The following SPOCK3 variants were observed in gnomAD, a reference collection of about 807,000 sequenced individuals.
SPOCK3 encodes testican-3.
SPOCK3 carries 30 observed loss-of-function variants against 56.6 expected under a neutral mutation model. The observed-to-expected ratio is 0.53, with a 90% confidence interval of 0.40 to 0.72. SPOCK3 has a LOEUF of 0.72. Ranked by LOEUF, SPOCK3 falls within the 30% of genes least tolerant of loss-of-function variation. SPOCK3 has a pLI of 0.00. For synonymous variants in SPOCK3, 196 were observed against 183.3 expected (o/e 1.07, Z -0.56); for missense variants, 527 against 530.0 (o/e 0.99, Z 0.06).
intron 2 of SPOCK3, among the ~76,000 whole-genome samples, chr4:167,221,706 C>G (rs918439515): frequency 6.6e-6 from 1 of 152,108 alleles, no homozygotes; most frequent in Non-Finnish European, 1.5e-5. Flanking sequence ...AAAATATGCT[C>G]AACATTTCTA....
chr4:167,112,848 T>TTA (rs1554038269), intron 2 of SPOCK3, among the ~76,000 whole-genome samples: 19,760 of 149,506 alleles, frequency 0.13, 1,517 homozygotes, highest in East Asian at 0.19. Context: ...TGCTCTTTTT[T>TTA]AAAAAAAAAA....
At chr4:167,009,901 T>A (rs565636864) in intron 3 of SPOCK3, among the ~76,000 whole-genome samples, 1 of 151,730 alleles carries the variant, frequency 6.6e-6, no homozygotes, top group South Asian at 2.1e-4. Flanking sequence ...CATGATAATA[T>A]GAAAAAAATT....
chr4:166,924,089 A>G (rs61445206), intron 4 of SPOCK3, among the ~76,000 whole-genome samples: 2,573 of 152,310 alleles, frequency 0.017, 71 homozygotes, highest in African/African-American at 0.058. Context: ...CAAGGTTGAC[A>G]TTAGCTTGCC....
intron 6 of SPOCK3, among the ~76,000 whole-genome samples, chr4:166,829,973 A>G (rs1745866963): frequency 6.6e-6 from 1 of 152,174 alleles, no homozygotes; most frequent in African/African-American, 2.4e-5. Flanking sequence ...TGAGAATTTT[A>G]AGAATCTCAT....
chr4:166,770,671 C>A (rs1004550320), intron 7 of SPOCK3, among the ~76,000 whole-genome samples: 2 of 151,988 alleles, frequency 1.3e-5, no homozygotes, highest in African/African-American at 4.8e-5. Context: ...TAAACACAAC[C>A]GTATTGACAA....
chr4:167,125,564 A>C (rs1465583860), intron 2 of SPOCK3, among the ~76,000 whole-genome samples: 4 of 150,386 alleles, frequency 2.7e-5, no homozygotes, highest in Admixed American at 1.3e-4. Flanking sequence ...ATATAAAAAA[A>C]TTCGCCGGGC....
chr4:167,183,638 A>G (rs917916407), intron 2 of SPOCK3, among the ~76,000 whole-genome samples: 1 of 152,214 alleles, frequency 6.6e-6, no homozygotes, highest in Non-Finnish European at 1.5e-5. Flanking sequence ...TTACTATTGC[A>G]AAAAGAATCT....
intron 8 of SPOCK3, among the ~76,000 whole-genome samples, chr4:166,753,106 G>A (rs7693595): frequency 6.6e-6 from 1 of 151,504 alleles, no homozygotes; most frequent in Admixed American, 6.6e-5. Context: ...AGAATTTATC[G>A]ATTTCTGTAG....
intron 2 of SPOCK3, among the ~76,000 whole-genome samples, chr4:167,125,359 A>G (rs1327512745): frequency 2.7e-5 from 4 of 150,578 alleles, no homozygotes; most frequent in African/African-American, 7.3e-5. Flanking sequence ...CTTAACAAGT[A>G]TATTAGTTAG....
rs192244168 is a variant in SPOCK3, at chr4:167,071,134, G to C, written c.190-8597C>G. Among the ~76,000 whole-genome samples the C allele has an allele frequency of 5.0e-3, 767 of 152,018 alleles. 31 individuals are homozygous for C. The highest frequency in any genetic ancestry group is 0.048 in the Admixed American group (729 of 15,224). ...AGGTTAGAATCCCTCTGAATATATA[G>C]AGACTGTGTACTGGTTAGTTTTAAA... On this transcript the variant is annotated intron_variant, in intron 2 of 10. Transcript: ENST00000357545.
At chr4:167,018,002 T>C (rs1425967198) in intron 3 of SPOCK3, among the ~76,000 whole-genome samples, 1 of 152,068 alleles carries the variant, frequency 6.6e-6, no homozygotes, top group Non-Finnish European at 1.5e-5. Context: ...AGGGACTTAT[T>C]AAGAGATTTT....
intron 4 of SPOCK3, among the ~76,000 whole-genome samples, chr4:166,938,854 G>A (rs1328025841): frequency 6.6e-6 from 1 of 151,976 alleles, no homozygotes; most frequent in East Asian, 1.9e-4. Flanking sequence ...AGGTGCTAAT[G>A]TGCAAAGACA....
At chr4:167,023,913 C>A (rs1215526269) in intron 3 of SPOCK3, among the ~76,000 whole-genome samples, 2 of 152,078 alleles carry the variant, frequency 1.3e-5, no homozygotes, top group Admixed American at 1.3e-4. Context: ...AATTTATCAT[C>A]TTGACCTCCT....
chr4:166,748,963 T>A (rs980305483), intron 8 of SPOCK3, among the ~76,000 whole-genome samples: 6 of 136,918 alleles, frequency 4.4e-5, no homozygotes, highest in African/African-American at 1.9e-4. Context: ...GTTAGAATGG[T>A]GATCATTAAA....
chr4:167,205,350 T>TAATATATATTATATATTATATATATAA (rs1734047710), intron 2 of SPOCK3, among the ~76,000 whole-genome samples: 1 of 42,544 alleles, frequency 2.4e-5, no homozygotes, highest in African/African-American at 1.1e-4. Context: ...ATTATATATA[T>TAATATATATTATATATTATATATATAA]AATATATATA....
chr4:166,958,210 A>T, intron 4 of SPOCK3, among the ~76,000 whole-genome samples: 1 of 152,098 alleles, frequency 6.6e-6, no homozygotes, highest in East Asian at 1.9e-4. Flanking sequence ...GCTGTTTAAA[A>T]GTGTATGCAT....
At chr4:166,950,287 T>C (rs1742386349) in intron 4 of SPOCK3, among the ~76,000 whole-genome samples, 2 of 151,594 alleles carry the variant, frequency 1.3e-5, no homozygotes, top group South Asian at 2.1e-4. Context: ...GTTGCAATCC[T>C]AGTCTCTGAT....
intron 4 of SPOCK3, among the ~76,000 whole-genome samples, chr4:166,969,054 G>A (rs1374031648): frequency 6.6e-6 from 1 of 152,162 alleles, no homozygotes; most frequent in African/African-American, 2.4e-5. Flanking sequence ...AAACTTGCAT[G>A]GGGTCTGTAG....
intron 6 of SPOCK3, among the ~76,000 whole-genome samples, chr4:166,862,702 G>A (rs1333569181): frequency 2.0e-5 from 3 of 151,772 alleles, no homozygotes; most frequent in African/African-American, 4.8e-5. Context: ...CCCTTTTCTA[G>A]CAGATAAGTC....
Sources: gnomAD v4.1 joint callset for allele counts (sites outside exome capture counted in the v4.1 genomes callset) on GRCh38, gnomAD v4.1.1 for gene constraint, MANE v1.5 for transcripts, NCBI Gene and HGNC (gene_info 2026-07-23, HGNC 2026-07-21) for gene names.